The following UGT1A8 variants were observed in gnomAD, a reference collection of about 807,000 sequenced individuals.
UGT1A8 encodes UDP-glucuronosyltransferase 1A8.
A neutral mutation model predicts 45.3 loss-of-function variants in UGT1A8; 39 were observed. The ratio of observed to expected loss-of-function variants is 0.86; its 90% CI spans 0.67 to 1.12. The LOEUF is 1.12. UGT1A8 is among the 50% of genes most tolerant of loss of function. The pLI, the probability that UGT1A8 is intolerant of heterozygous loss-of-function variation, is 0.00. For synonymous variants in UGT1A8, 275 were observed against 249.2 expected (o/e 1.10, Z -0.97); for missense variants, 719 against 664.9 (o/e 1.08, Z -0.90).
Position 233,659,903 on chromosome 2 carries a change from C to G in UGT1A8, c.855+41341C>G, listed in dbSNP as rs957515344. 1.4e-4 allele frequency among the ~76,000 whole-genome samples: 21 copies of G among 152,322 alleles called. No homozygotes were observed. The South Asian group carries it at 3.9e-3, about 29-fold the overall frequency. On this transcript the variant is annotated intron_variant, in intron 1 of 4. Coordinates refer to ENST00000373450, the MANE Select transcript of UGT1A8 (RefSeq NM_019076.5). ...ACTGCTTCTTCTGTATCTTCTTCCT[C>G]ATTGTCTGGTACTGATTCAAAAGCA...
At chr2:233,676,997 AT>A (rs1303405574) in intron 1 of UGT1A8, among the ~76,000 whole-genome samples, 15 of 149,548 alleles carry the variant, frequency 1.0e-4, no homozygotes, top group South Asian at 2.1e-4. Flanking sequence ...GTTACCTCTA[AT>A]TTTTTTTTTC....
intron 1 of UGT1A8, among the ~76,000 whole-genome samples, chr2:233,763,677 A>G (rs934617457): frequency 6.6e-6 from 1 of 152,232 alleles, no homozygotes; most frequent in Non-Finnish European, 1.5e-5. Flanking sequence ...AACTTTAAGA[A>G]TAAAGATAAA....
chr2:233,666,487 C>T (rs775358673), intron 1 of UGT1A8, among the ~76,000 whole-genome samples: 13 of 151,968 alleles, frequency 8.6e-5, no homozygotes, highest in Non-Finnish European at 1.3e-4. Flanking sequence ...CATCTGTGTA[C>T]CTTCTTGGGT....
rs1004907287 is a variant in UGT1A8 at position 233,772,662 on chromosome 2, T to C, written c.*103T>C. 14 of 1,540,212 alleles carry C rather than the reference T, an allele frequency of 9.1e-6. No individual in the cohort carries two copies. The highest frequency in any genetic ancestry group is 8.3e-5 in the African/African-American group (6 of 72,644). On this transcript the variant is annotated 3_prime_UTR_variant, in exon 5 of 5. Coordinates refer to ENST00000373450, the MANE Select transcript of UGT1A8 (RefSeq NM_019076.5). ...ATTCATTTTATTCTTATTAAGGAAA[T>C]ACTTTGCATAAATTAATCAGCCCCA...
At chr2:233,707,553 G>A (rs1016218991) in intron 1 of UGT1A8, among the ~76,000 whole-genome samples, 23 of 118,818 alleles carry the variant, frequency 1.9e-4, no homozygotes, top group African/African-American at 7.4e-4. Context: ...TTTTTTTTTT[G>A]GTTCAACCTT....
intron 1 of UGT1A8, among the ~76,000 whole-genome samples, chr2:233,646,115 C>T (rs759343684): frequency 2.6e-4 from 39 of 152,232 alleles, no homozygotes; most frequent in Admixed American, 2.5e-3. Context: ...AGGCTCGGCA[C>T]TTGCACCTTC....
chr2:233,747,281 A>G, intron 1 of UGT1A8: 1 of 1,599,850 alleles, frequency 6.3e-7, no homozygotes, highest in Non-Finnish European at 8.5e-7. Context: ...CTCAGTGCCC[A>G]GCCCTGGGCT....
chr2:233,636,862 A>G (rs570583688), intron 1 of UGT1A8: 1 of 1,614,074 alleles, frequency 6.2e-7, no homozygotes, highest in African/African-American at 1.3e-5. Flanking sequence ...GAGTTCATCC[A>G]GTGGTTTTCT....
intron 1 of UGT1A8, chr2:233,681,854 G>A: frequency 1.3e-6 from 2 of 1,520,274 alleles, no homozygotes; most frequent in Non-Finnish European, 1.8e-6. Context: ...TTCTTTTGAG[G>A]GCAGGTTCTA....
rs552893751 is a variant in UGT1A8 at position 233,650,058 on chromosome 2, C to A, written c.855+31496C>A. Among the ~76,000 whole-genome samples the A allele has an allele frequency of 3.9e-5, 6 of 152,262 alleles. No homozygotes were observed. In the East Asian group the frequency reaches 9.7e-4, roughly 25 times the overall value. ...CGATCTTGGCTCACCACAACCTCTG[C>A]CTCCTGGGTTCAAGCGATTCACCTG... On this transcript the variant is annotated intron_variant, in intron 1 of 4. Coordinates refer to ENST00000373450, the MANE Select transcript of UGT1A8 (RefSeq NM_019076.5).
intron 1 of UGT1A8, chr2:233,741,606 TTCAG>T (rs1691716014): frequency 1.3e-5 from 2 of 151,870 alleles, no homozygotes; most frequent in South Asian, 4.1e-4. Context: ...GATTTCAGAG[TTCAG>T]TGTCAGACCC....
chr2:233,660,538 G>A (rs927121042), intron 1 of UGT1A8, among the ~76,000 whole-genome samples: 3 of 152,112 alleles, frequency 2.0e-5, no homozygotes, highest in African/African-American at 7.2e-5. Flanking sequence ...TGTTGTACTG[G>A]CCTTCTTGTT....
rs1314129216 is a variant in UGT1A8, at chr2:233,719,046, A to T, written c.856-47988A>T. ...GCACATCAAAGAAGAGAAATTTTTC[A>T]CCCTGACAGCCTATGCTGTTCCATG... On this transcript the variant is annotated intron_variant, in intron 1 of 4. Coordinates refer to ENST00000373450, the MANE Select transcript of UGT1A8 (RefSeq NM_019076.5). 6.2e-7 allele frequency: 1 copy of T among 1,614,250 alleles called. No individual in the cohort carries two copies. Among genetic ancestry groups the T allele is most frequent in the Non-Finnish European group, 8.5e-7 (1 of 1,180,040 alleles).
intron 1 of UGT1A8, among the ~76,000 whole-genome samples, chr2:233,709,500 C>T (rs558289619): frequency 6.6e-6 from 1 of 152,232 alleles, no homozygotes; most frequent in Non-Finnish European, 1.5e-5. Context: ...AAGTCTCTGC[C>T]TCTTGCTCTC....
intron 1 of UGT1A8, chr2:233,743,649 C>G (rs754713764): frequency 8.0e-6 from 11 of 1,367,286 alleles, no homozygotes; most frequent in Non-Finnish European, 1.1e-5. Context: ...AAGCTGAAGA[C>G]GTACTCGAAG....
At chr2:233,696,617 TC>T (rs2125568424) in intron 1 of UGT1A8, among the ~76,000 whole-genome samples, 1 of 152,346 alleles carries the variant, frequency 6.6e-6, no homozygotes, top group African/African-American at 2.4e-5. Context: ...TTTCTTTCTT[TC>T]TTTCTCTTGC....
chr2:233,625,093 A>C (rs1435319205), intron 1 of UGT1A8, among the ~76,000 whole-genome samples: 2 of 152,108 alleles, frequency 1.3e-5, no homozygotes, highest in African/African-American at 4.8e-5. Flanking sequence ...CAATTAACAC[A>C]TATTTTGGAT....
rs191241107 is a variant in UGT1A8, at chr2:233,721,753, T to C, written c.856-45281T>C. The C allele has an allele frequency of 4.9e-4, 222 of 457,372 alleles. 1 individual carries two copies. The highest frequency in any genetic ancestry group is 3.1e-3 in the Admixed American group (134 of 43,562). The allele number at this position is 457,372 out of a possible 1,614,324, so 28.3% of individuals were successfully genotyped here. A position where few individuals can be genotyped will look rare whatever the true frequency, so the allele number is the denominator to read the frequency against. ...AAGCTTAATGATGAGAGAATCTACATCTAAATTGTTATATTTAGCATTATT... is the reference window on the plus strand; with the variant it reads ...AAGCTTAATGATGAGAGAATCTACACCTAAATTGTTATATTTAGCATTATT... On this transcript the variant is annotated intron_variant, in intron 1 of 4. Transcript: ENST00000373450.
At chr2:233,643,806 G>A (rs1001196538) in intron 1 of UGT1A8, among the ~76,000 whole-genome samples, 5 of 152,132 alleles carry the variant, frequency 3.3e-5, no homozygotes, top group Non-Finnish European at 5.9e-5. Flanking sequence ...AAGGCAGCAG[G>A]TTCCCTTCTA....
Sources: allele counts gnomAD v4.1 joint callset (sites outside exome capture counted in the v4.1 genomes callset), GRCh38; gene constraint gnomAD v4.1.1; transcripts MANE v1.5; gene names NCBI Gene and HGNC (gene_info 2026-07-23, HGNC 2026-07-21).